Variants in PAMR1 observed in about 807,000 individuals in gnomAD.
PAMR1 encodes peptidase domain containing associated with muscle regeneration 1, also known as inactive serine protease PAMR1.
A neutral mutation model predicts 81.8 loss-of-function variants in PAMR1; 88 were observed. The observed-to-expected ratio is 1.08, with a 90% CI of 0.91 to 1.28. PAMR1 has a LOEUF of 1.28. Among genes scored for constraint, PAMR1 ranks in the 50% most tolerant of loss-of-function variants. The pLI is 0.00. For missense variants in PAMR1, 935 were observed against 919.7 expected, an observed-to-expected ratio of 1.02 and a Z score of -0.21; for synonymous variants, 336 against 345.3, an observed-to-expected ratio of 0.97 and a Z score of 0.30.
chr11:35,524,505 T>C (rs758606838), intron 1 of PAMR1, among the ~76,000 whole-genome samples: 2 of 152,142 alleles, frequency 1.3e-5, no homozygotes, highest in Non-Finnish European at 2.9e-5. Context: ...TGCCAGCTAC[T>C]TGCAGCGGCA....
chr11:35,458,447 C>T (rs1856580931), intron 6 of PAMR1, among the ~76,000 whole-genome samples: 1 of 151,954 alleles, frequency 6.6e-6, no homozygotes, highest in South Asian at 2.1e-4. Context: ...TCTTTTTTTG[C>T]AAATGTTATG....
intron 3 of PAMR1, among the ~76,000 whole-genome samples, chr11:35,475,007 CAG>C (rs2135383014): frequency 6.6e-6 from 1 of 152,300 alleles, no homozygotes; most frequent in African/African-American, 2.4e-5. Context: ...GATAGATGAT[CAG>C]AGAGTTAAAT....
intron 3 of PAMR1, among the ~76,000 whole-genome samples, chr11:35,487,215 G>GAA (rs111704287): frequency 6.0e-4 from 78 of 130,134 alleles, no homozygotes; most frequent in African/African-American, 1.1e-3. Context: ...TAGTTACCCA[G>GAA]AAAAAAAAAA....
Position 35,473,513 on chromosome 11 carries a change from T to TGTG in PAMR1, c.494+1114_494+1116dup, listed in dbSNP as rs568181611. 1.2e-4 allele frequency among the ~76,000 whole-genome samples: 18 copies of TGTG among 152,246 alleles called. No homozygotes were observed. In the East Asian group the frequency reaches 2.1e-3, roughly 18 times the overall value. On this transcript the variant is annotated intron_variant, in intron 4 of 10. Coordinates refer to ENST00000619888, the MANE Select transcript of PAMR1 (RefSeq NM_001001991.3). ...GCCTTGAGCTCAATGGGCGGAACAG[T>TGTG]GTGGTTCATCGCTTGTTCCTTGAGC...
chr11:35,474,831 TGCCACAC>T (rs1850257822), intron 3 of PAMR1, 87 bp from the exon 4 acceptor site: 7 of 800,840 alleles, frequency 8.7e-6, no homozygotes, highest in Middle Eastern at 2.3e-4. Flanking sequence ...TTTGAGCACA[TGCCACAC>T]CCCTGAGAAC....
chr11:35,507,039 C>CTTTT (rs71044524), intron 1 of PAMR1, among the ~76,000 whole-genome samples: 3 of 86,862 alleles, frequency 3.5e-5, no homozygotes, highest in African/African-American at 9.0e-5. Flanking sequence ...AATAGCCTGA[C>CTTTT]TTTTTTTTTT....
rs747015590 is a variant in PAMR1, at chr11:35,432,557, G to T, written c.1962C>A (p.Pro654=). The T allele has an allele frequency of 2.5e-6, 4 of 1,614,098 alleles. No homozygotes were observed. The African/African-American group carries it at 5.3e-5, about 22-fold the overall frequency. Residue 654 remains proline (P), a synonymous_variant, in exon 11 of 11, where the codon CCC becomes CCA. Coordinates refer to ENST00000619888, the MANE Select transcript of PAMR1 (RefSeq NM_001001991.3). ...TDNMFCASWE[P]TAPSDICTAE... is the part of the protein sequence containing the mutation. The stretch of plus-strand genomic sequence containing the variant: ...CAGTGCAGATATCAGAAGGGGCAGT[G>T]GGTTCCCAGCTGGCACAGAACATGT...
intron 6 of PAMR1, among the ~76,000 whole-genome samples, chr11:35,445,869 C>T (rs1321793975): frequency 1.3e-5 from 2 of 152,180 alleles, no homozygotes; most frequent in Admixed American, 6.5e-5. Context: ...AGAGAAGTCC[C>T]TCCTTTTCCA....
intron 6 of PAMR1, among the ~76,000 whole-genome samples, chr11:35,443,871 T>C (rs1172630077): frequency 6.6e-6 from 1 of 152,252 alleles, no homozygotes; most frequent in Admixed American, 6.5e-5. Context: ...ATCTGTTGTT[T>C]CTTGACTTTT....
rs182721488 is a variant in PAMR1, at chr11:35,518,780, C to A, written c.73+6733G>T. 8.5e-5 allele frequency among the ~76,000 whole-genome samples: 13 copies of A among 152,254 alleles called. No homozygotes were observed. The East Asian group carries it at 2.5e-3, about 30-fold the overall frequency. On this transcript the variant is annotated intron_variant, in intron 1 of 10. Coordinates refer to ENST00000619888, the MANE Select transcript of PAMR1 (RefSeq NM_001001991.3). Reference sequence around the variant, plus strand: ...AGCAAAACAACCCAACATCCCCTCTCCATCCAGTGGTTTTTCATTAAGCTA... The same window carrying A: ...AGCAAAACAACCCAACATCCCCTCTACATCCAGTGGTTTTTCATTAAGCTA...
chr11:35,488,669 CTT>C (rs34053329), intron 3 of PAMR1, among the ~76,000 whole-genome samples: 85 of 42,922 alleles, frequency 2.0e-3, no homozygotes, highest in Middle Eastern at 0.029. Flanking sequence ...CAAATCTTGC[CTT>C]TTTTTTTTTT....
At chr11:35,439,351 C>G (rs1856114043) in intron 8 of PAMR1, among the ~76,000 whole-genome samples, 1 of 152,198 alleles carries the variant, frequency 6.6e-6, no homozygotes, top group African/African-American at 2.4e-5. Context: ...TCCATTTTCT[C>G]AAAGATCATC....
chr11:35,494,221 C>T lies in PAMR1; in HGVS notation c.125G>A (p.Cys42Tyr), dbSNP rs1850680505. The T allele has an allele frequency of 6.2e-7, 1 of 1,614,068 alleles. No individual in the cohort carries two copies. Among genetic ancestry groups the T allele is most frequent in the East Asian group, 2.2e-5 (1 of 44,902 alleles). Reference protein sequence around the residue: ...ACPGAEWNIMCRECCEYDQIE... With the variant: ...ACPGAEWNIMYRECCEYDQIE... ...CTGATCATATTCACAGCACTCCCGACACATGATATTCCACTCTGCTCCAGG... is the reference window on the plus strand; with the variant it reads ...CTGATCATATTCACAGCACTCCCGATACATGATATTCCACTCTGCTCCAGG... The change falls in exon 2 of 11, where the codon TGT becomes TAT. Residue 42 changes from cysteine to tyrosine, a missense_variant. By Grantham distance (194) the Cys-to-Tyr change is radical. Coordinates refer to ENST00000619888, the MANE Select transcript of PAMR1 (RefSeq NM_001001991.3).
intron 6 of PAMR1, among the ~76,000 whole-genome samples, chr11:35,456,246 AG>A (rs1856530313): frequency 6.6e-6 from 1 of 152,204 alleles, no homozygotes. Flanking sequence ...AATACAGTAA[AG>A]GTAACCATGG....
intron 1 of PAMR1, among the ~76,000 whole-genome samples, 164 bp downstream of exon 1, chr11:35,525,349 C>G (rs971741224): frequency 1.3e-5 from 2 of 152,098 alleles, no homozygotes; most frequent in African/African-American, 2.4e-5. Context: ...AGCCAAGTCC[C>G]TAAAATTATC....
At chr11:35,525,891 A>G (rs1851378840), upstream of PAMR1, 3 of 466,460 alleles carry the variant, frequency 6.4e-6, no homozygotes, top group East Asian at 1.2e-4. Flanking sequence ...GCCTGGGTAC[A>G]GGTGGGGTCC....
intron 3 of PAMR1, among the ~76,000 whole-genome samples, chr11:35,478,002 G>A (rs908905058): frequency 6.6e-5 from 10 of 152,240 alleles, no homozygotes; most frequent in South Asian, 2.1e-4. Flanking sequence ...CACAGCCCCC[G>A]TCCCTCAGGG....
chr11:35,481,680 A>G (rs1279680283), intron 3 of PAMR1, among the ~76,000 whole-genome samples: 2 of 151,790 alleles, frequency 1.3e-5, no homozygotes, highest in Non-Finnish European at 2.9e-5. Flanking sequence ...ATGCCACCAC[A>G]CCCAGCTAAT....
intron 1 of PAMR1, among the ~76,000 whole-genome samples, chr11:35,519,809 C>T (rs1174386653): frequency 6.6e-6 from 1 of 152,180 alleles, no homozygotes; most frequent in Non-Finnish European, 1.5e-5. Context: ...TATCATTTCG[C>T]CAAAATACAG....
Sources: gnomAD v4.1 joint callset for allele counts (sites outside exome capture counted in the v4.1 genomes callset) on GRCh38, gnomAD v4.1.1 for gene constraint, MANE v1.5 for transcripts, NCBI Gene and HGNC (gene_info 2026-07-23, HGNC 2026-07-21) for gene names.